GABRB3: variants seen among roughly 807,000 people sequenced by gnomAD.
The protein encoded by GABRB3 is gamma-aminobutyric acid receptor subunit beta-3.
In GABRB3, 14 loss-of-function variants were observed where a neutral mutation model predicts 52.1. The ratio of observed to expected loss-of-function variants is 0.27; its 90% CI spans 0.18 to 0.42. The LOEUF (loss-of-function observed/expected upper bound fraction) is 0.42, where lower values mean the gene tolerates loss of function less well. Ranked by LOEUF, GABRB3 falls within the 10% of genes least tolerant of loss-of-function variation. The pLI, the probability that GABRB3 is intolerant of heterozygous loss-of-function variation, is 1.00. For missense variants in GABRB3, 307 were observed against 609.1 expected, an observed-to-expected ratio of 0.50 and a Z score of 5.22; for synonymous variants, 260 against 232.3, an observed-to-expected ratio of 1.12 and a Z score of -1.08.
intron 3 of GABRB3, among the ~76,000 whole-genome samples, chr15:26,663,193 A>C (rs528859555): frequency 6.6e-6 from 1 of 152,306 alleles, no homozygotes; most frequent in African/African-American, 2.4e-5. Flanking sequence ...CCCCCTTCAT[A>C]GCCACATCAG....
chr15:26,647,120 G>C (rs922670907), intron 3 of GABRB3, among the ~76,000 whole-genome samples: 5 of 152,184 alleles, frequency 3.3e-5, no homozygotes, highest in Admixed American at 2.0e-4. Context: ...TGGGATTACA[G>C]GCATGAGCCA....
At chr15:26,646,315 C>T (rs1000797544) in intron 3 of GABRB3, among the ~76,000 whole-genome samples, 3 of 152,158 alleles carry the variant, frequency 2.0e-5, no homozygotes, top group African/African-American at 4.8e-5. Flanking sequence ...TCATATACTA[C>T]GTGGTATTTG....
At chr15:26,681,514 G>T (rs1321977550) in intron 3 of GABRB3, among the ~76,000 whole-genome samples, 3 of 152,092 alleles carry the variant, frequency 2.0e-5, no homozygotes, top group Non-Finnish European at 4.4e-5. Flanking sequence ...TCCTCCAACG[G>T]GCTATGGATT....
intron 3 of GABRB3, among the ~76,000 whole-genome samples, chr15:26,705,948 T>C (rs1008310282): frequency 6.6e-6 from 1 of 152,170 alleles, no homozygotes; most frequent in Non-Finnish European, 1.5e-5. Flanking sequence ...TTGGGTACCA[T>C]GTTCACCATC....
intron 3 of GABRB3, among the ~76,000 whole-genome samples, chr15:26,671,821 G>C (rs759230030): frequency 6.6e-6 from 1 of 152,130 alleles, no homozygotes; most frequent in Non-Finnish European, 1.5e-5. Context: ...ACAAGGTGGT[G>C]AGGGCTCTGA....
intron 3 of GABRB3, among the ~76,000 whole-genome samples, chr15:26,726,913 C>A (rs1405453107): frequency 6.6e-6 from 1 of 152,180 alleles, no homozygotes; most frequent in Non-Finnish European, 1.5e-5. Context: ...GTAGTCCCAG[C>A]ACTTTGGGAG....
chr15:26,590,755 T>A (rs1891169944), intron 4 of GABRB3, among the ~76,000 whole-genome samples: 1 of 152,192 alleles, frequency 6.6e-6, no homozygotes, highest in Non-Finnish European at 1.5e-5. Flanking sequence ...TGTGGTAAGT[T>A]GACTATGTTA....
chr15:26,636,818 T>C (rs1233716503), intron 3 of GABRB3, among the ~76,000 whole-genome samples: 5 of 152,206 alleles, frequency 3.3e-5, no homozygotes, highest in Non-Finnish European at 7.3e-5. Flanking sequence ...TCTCACATTC[T>C]TCATCAATCT....
At chr15:26,657,563 T>C (rs1887413140) in intron 3 of GABRB3, among the ~76,000 whole-genome samples, 1 of 152,204 alleles carries the variant, frequency 6.6e-6, no homozygotes, top group African/African-American at 2.4e-5. Context: ...GAAAAGGGAA[T>C]GCATGGTATG....
At chr15:26,680,803 G>A (rs1294324780) in intron 3 of GABRB3, among the ~76,000 whole-genome samples, 2 of 152,192 alleles carry the variant, frequency 1.3e-5, no homozygotes, top group African/African-American at 4.8e-5. Flanking sequence ...GCAGCAGTGA[G>A]TGGAGAATGC....
At chr15:26,606,772 A>ATAGATATATCTATCGATAGATATATC (rs1566770499) in intron 4 of GABRB3, among the ~76,000 whole-genome samples, 3,973 of 81,612 alleles carry the variant, frequency 0.049, 442 homozygotes, top group Middle Eastern at 0.13. Flanking sequence ...GTCTATCTAT[A>ATAGATATATCTATCGATAGATATATC]GATAGATAGA....
intron 4 of GABRB3, among the ~76,000 whole-genome samples, chr15:26,593,099 C>A (rs560546786): frequency 1.3e-5 from 2 of 152,130 alleles, no homozygotes; most frequent in East Asian, 3.9e-4. Flanking sequence ...CCAGGTGATG[C>A]TGATGCTGGT....
chr15:26,561,599 G>C (rs930692909), intron 7 of GABRB3, among the ~76,000 whole-genome samples: 4 of 152,250 alleles, frequency 2.6e-5, no homozygotes, highest in African/African-American at 7.2e-5. Flanking sequence ...CCAGGAAAAA[G>C]AATGAATTTG....
chr15:26,650,957 G>A (rs7179684), intron 3 of GABRB3, among the ~76,000 whole-genome samples: 143,163 of 152,200 alleles, frequency 0.94, 67,531 homozygotes, highest in Non-Finnish European at 0.98. Context: ...ACTTAAGAAA[G>A]TTATCCGGCT....
chr15:26,761,410 A>G (rs554640452), intron 3 of GABRB3, among the ~76,000 whole-genome samples: 2 of 152,030 alleles, frequency 1.3e-5, no homozygotes, highest in East Asian at 1.9e-4. Flanking sequence ...AAAAAATACA[A>G]TATTAGTCAT....
intron 3 of GABRB3, among the ~76,000 whole-genome samples, chr15:26,652,807 G>A (rs934868542): frequency 1.3e-5 from 2 of 152,106 alleles, no homozygotes; most frequent in African/African-American, 4.8e-5. Context: ...TATTCACGCT[G>A]ATTTATTCTA....
chr15:26,561,799 G>C (rs1185243948), intron 7 of GABRB3, among the ~76,000 whole-genome samples: 1 of 152,202 alleles, frequency 6.6e-6, no homozygotes. Flanking sequence ...GCTTCTGAGG[G>C]AAGATGATCT....
chr15:26,632,629 G>GTTT (rs1892942076), intron 3 of GABRB3, among the ~76,000 whole-genome samples: 2 of 152,314 alleles, frequency 1.3e-5, no homozygotes, highest in South Asian at 4.1e-4. Flanking sequence ...ATGTAAGAGA[G>GTTT]ATGCCCTTCA....
chr15:26,735,540 G>A (rs886863847), intron 3 of GABRB3, among the ~76,000 whole-genome samples: 10 of 152,150 alleles, frequency 6.6e-5, no homozygotes, highest in African/African-American at 2.4e-4. Context: ...CAGATGAGTG[G>A]ATAAACAAAT....
Sources: allele counts gnomAD v4.1 joint callset (sites outside exome capture counted in the v4.1 genomes callset), GRCh38; gene constraint gnomAD v4.1.1; transcripts MANE v1.5; gene names NCBI Gene and HGNC (gene_info 2026-07-23, HGNC 2026-07-21).